Variants in CACNB4 observed in about 807,000 individuals in gnomAD.
The protein encoded by CACNB4 is voltage-dependent L-type calcium channel subunit beta-4.
A neutral mutation model predicts 71.2 loss-of-function variants in CACNB4; 32 were observed. The observed-to-expected ratio is 0.45, with a 90% CI of 0.34 to 0.60. CACNB4 has a LOEUF of 0.60. Among genes scored for constraint, CACNB4 ranks in the 20% least tolerant of loss-of-function variants. The probability of loss-of-function intolerance (pLI) is 0.01; values close to 1 mark genes in which losing one functional copy is unlikely to be tolerated. For missense variants in CACNB4, 464 were observed against 647.9 expected (o/e 0.72, Z 3.08); for synonymous variants, 231 against 236.9 (o/e 0.97, Z 0.23).
intron 2 of CACNB4, among the ~76,000 whole-genome samples, chr2:152,067,434 C>T (rs537726867): frequency 1.3e-5 from 2 of 151,416 alleles, no homozygotes; most frequent in East Asian, 3.9e-4. Context: ...TGGTCTTGAA[C>T]TCCTGGACTC....
At position 151,875,526 on chromosome 2, in the gene CACNB4, G is replaced by GC. The variant is rs1559910225; in HGVS notation, c.521+899_521+900insG. On this transcript the variant is annotated intron_variant, in intron 5 of 13. Transcript: ENST00000539935. ...CTGTTGGGTACACCTCCCAGACGGG[G>GC]TGGTGGCCGGGCAGAGGGGCTCCTC... Among the ~76,000 whole-genome samples, 1,247 of 151,688 alleles carry GC rather than the reference G, an allele frequency of 8.2e-3. 12 individuals carry two copies. Among genetic ancestry groups the GC allele is most frequent in the African/African-American group, 0.028 (1,158 of 41,272 alleles).
chr2:151,869,067 T>C, intron 9 of CACNB4, 110 bp downstream of exon 9: 5 of 696,202 alleles, frequency 7.2e-6, no homozygotes, highest in Non-Finnish European at 1.3e-5. Context: ...CTGAGTTAAC[T>C]TTTAACTAGA....
chr2:151,867,791 G>C (rs552258469), intron 9 of CACNB4: 1 of 152,302 alleles, frequency 6.6e-6, no homozygotes, highest in Non-Finnish European at 1.5e-5. Context: ...GCTGACTAGA[G>C]ACATCGTACC....
At chr2:151,963,900 C>T (rs1483400264) in intron 2 of CACNB4, among the ~76,000 whole-genome samples, 1 of 151,858 alleles carries the variant, frequency 6.6e-6, no homozygotes, top group Non-Finnish European at 1.5e-5. Context: ...AAACTCCCGT[C>T]TCTACTAAAA....
intron 3 of CACNB4, chr2:151,883,003 T>C: frequency 2.1e-6 from 1 of 472,120 alleles, no homozygotes; most frequent in Non-Finnish European, 3.9e-6. Context: ...TTGATATTGC[T>C]AAGTTGGAAG....
At chr2:152,069,480 T>C (rs1157976119) in intron 2 of CACNB4, among the ~76,000 whole-genome samples, 2 of 147,912 alleles carry the variant, frequency 1.4e-5, no homozygotes, top group Non-Finnish European at 3.0e-5. Flanking sequence ...CTGAATCTCA[T>C]CACAAGCACA....
At chr2:151,947,455 G>A (rs1379932450) in intron 2 of CACNB4, among the ~76,000 whole-genome samples, 2 of 152,176 alleles carry the variant, frequency 1.3e-5, no homozygotes, top group Admixed American at 6.5e-5. Flanking sequence ...GGGAGTGGGG[G>A]ACGGGATTCT....
intron 2 of CACNB4, among the ~76,000 whole-genome samples, chr2:151,964,394 A>G (rs1425923289): frequency 1.3e-5 from 2 of 151,718 alleles, no homozygotes; most frequent in Admixed American, 1.3e-4. Flanking sequence ...ATGGATATCC[A>G]CTGAATTGTT....
intron 2 of CACNB4, among the ~76,000 whole-genome samples, chr2:152,005,331 C>A (rs1341806612): frequency 6.6e-6 from 1 of 152,172 alleles, no homozygotes; most frequent in South Asian, 2.1e-4. Context: ...TCAGGGAATA[C>A]TAGGCAGTCA....
chr2:151,968,340 A>G (rs2151720703), intron 2 of CACNB4: 1 of 152,356 alleles, frequency 6.6e-6, no homozygotes, highest in East Asian at 1.9e-4. Context: ...GATGTAGATG[A>G]GAACACAGAG....
Position 152,009,883 on chromosome 2 carries a change from G to A in CACNB4, c.147+88447C>T, listed in dbSNP as rs373574595. ...GGAGGGAGCCACCTGCTAAAAAGGC[G>A]TCAAGAAACTGGGGCTGGGGACACA... is the stretch of plus-strand genomic sequence containing the variant. On this transcript the variant is annotated intron_variant, in intron 2 of 13. Coordinates refer to ENST00000539935, the MANE Select transcript of CACNB4 (RefSeq NM_000726.5). Among the ~76,000 whole-genome samples, 34 of 152,300 alleles carry A rather than the reference G, an allele frequency of 2.2e-4. No homozygotes were observed. In the East Asian group the frequency reaches 4.4e-3, roughly 20 times the overall value.
chr2:151,971,260 G>T (rs2099872461), intron 2 of CACNB4: 2 of 549,772 alleles, frequency 3.6e-6, no homozygotes, highest in African/African-American at 1.9e-5. Context: ...TTGTCCCTAG[G>T]CAAGATGATC....
chr2:151,847,321 A>C (rs1322895091), intron 12 of CACNB4, among the ~76,000 whole-genome samples: 1 of 152,074 alleles, frequency 6.6e-6, no homozygotes, highest in East Asian at 1.9e-4. Flanking sequence ...TCATGATTGC[A>C]CCACTGCACT....
intron 2 of CACNB4, among the ~76,000 whole-genome samples, chr2:152,016,365 T>C (rs946660984): frequency 6.6e-6 from 1 of 152,246 alleles, no homozygotes; most frequent in Non-Finnish European, 1.5e-5. Flanking sequence ...TAACATCCTA[T>C]TTTGAATTCA....
At chr2:152,023,047 T>C (rs1683761965) in intron 2 of CACNB4, among the ~76,000 whole-genome samples, 1 of 150,936 alleles carries the variant, frequency 6.6e-6, no homozygotes, top group Admixed American at 6.6e-5. Flanking sequence ...TCAGGAAACT[T>C]ACAATCATGG....
At chr2:151,948,793 A>G (rs2151655674) in intron 2 of CACNB4, among the ~76,000 whole-genome samples, 1 of 152,342 alleles carries the variant, frequency 6.6e-6, no homozygotes, top group Middle Eastern at 3.4e-3. Flanking sequence ...TGTAAGTGGA[A>G]TAAGGTGGGA....
At chr2:151,980,240 C>T (rs760237719) in intron 2 of CACNB4, among the ~76,000 whole-genome samples, 6 of 152,140 alleles carry the variant, frequency 3.9e-5, no homozygotes, top group Admixed American at 2.0e-4. Context: ...CAAAATCTTT[C>T]GGTGGCTTCC....
intron 2 of CACNB4, among the ~76,000 whole-genome samples, chr2:152,079,406 T>C (rs1486837859): frequency 1.3e-5 from 2 of 152,024 alleles, no homozygotes; most frequent in Non-Finnish European, 2.9e-5. Context: ...GTTGTTGTTG[T>C]TATTGTTTTA....
At chr2:151,973,890 C>A in intron 2 of CACNB4, 1 of 1,435,332 alleles carries the variant, frequency 7.0e-7, no homozygotes, top group Non-Finnish European at 9.1e-7. Flanking sequence ...GAGGTTATCC[C>A]CAGAGGCAGT....
Sources: gnomAD v4.1 joint callset for allele counts (sites outside exome capture counted in the v4.1 genomes callset) on GRCh38, gnomAD v4.1.1 for gene constraint, MANE v1.5 for transcripts, NCBI Gene and HGNC (gene_info 2026-07-23, HGNC 2026-07-21) for gene names.